The following SIK3 variants were observed in gnomAD, a reference collection of about 807,000 sequenced individuals.
SIK3 encodes the protein SIK family kinase 3, also known as serine/threonine-protein kinase SIK3.
Under a neutral mutation model 144.2 loss-of-function variants are expected in SIK3, and 28 were observed. The ratio of observed to expected loss-of-function variants is 0.19; its 90% CI spans 0.14 to 0.27. The LOEUF is 0.27. Among genes scored for constraint, SIK3 ranks in the 10% least tolerant of loss-of-function variants. SIK3 has a pLI of 1.00. For synonymous variants in SIK3, 686 were observed against 676.3 expected (o/e 1.01, Z -0.22); for missense variants, 1,319 against 1,776.0 (o/e 0.74, Z 4.62).
At chr11:116,938,574 AGGG>A (rs1948093808) in intron 3 of SIK3, among the ~76,000 whole-genome samples, 3 of 47,306 alleles carry the variant, frequency 6.3e-5, no homozygotes, top group African/African-American at 1.4e-4. Context: ...AGGGGAGGGG[AGGG>A]GAGGGGAGGA....
At chr11:116,985,814 C>CT (rs1288188718) in intron 1 of SIK3, among the ~76,000 whole-genome samples, 3 of 152,130 alleles carry the variant, frequency 2.0e-5, no homozygotes, top group Non-Finnish European at 4.4e-5. Flanking sequence ...CAACTAATAA[C>CT]TGTTCAATAA....
rs1565487124 is a variant in SIK3 at position 116,947,191 on chromosome 11, T to TATATAAATTATTTATATATAATATATA, written c.454+6852_454+6853insTATATATTATATATAAATAATTTATAT. 7.0e-4 allele frequency among the ~76,000 whole-genome samples: 23 copies of TATATAAATTATTTATATATAATATATA among 32,996 alleles called. 2 individuals carry two copies. Among genetic ancestry groups the TATATAAATTATTTATATATAATATATA allele is most frequent in the African/African-American group, 2.6e-3 (23 of 8,736 alleles). The allele number at this position is 32,996 out of a possible 152,430, so 21.6% of individuals were successfully genotyped here. A position where few individuals can be genotyped will look rare whatever the true frequency, so the allele number is the denominator to read the frequency against. On this transcript the variant is annotated intron_variant, in intron 3 of 24. Coordinates refer to ENST00000445177, the MANE Select transcript of SIK3 (RefSeq NM_001366686.3). ...AAATTATTATTTATATATAATATAT[T>TATATAAATTATTTATATATAATATATA]ATATACAAATTATTATTTATATACA...
At chr11:116,914,369 T>G (rs1946505466) in intron 4 of SIK3, among the ~76,000 whole-genome samples, 1 of 152,024 alleles carries the variant, frequency 6.6e-6, no homozygotes, top group Non-Finnish European at 1.5e-5. Context: ...CCACCACAGC[T>G]GGCTGATTTT....
chr11:117,018,725 T>TTCTA (rs1951640270), intron 1 of SIK3, among the ~76,000 whole-genome samples: 1 of 151,046 alleles, frequency 6.6e-6, no homozygotes, highest in African/African-American at 2.4e-5. Flanking sequence ...TATTTATTTT[T>TTCTA]TTTTTTTGAA....
In SIK3 at chr11:117,035,932, G is replaced by A. The variant is rs537948365; in HGVS notation, c.273+62211C>T. 3 of 1,591,886 alleles carry A rather than the reference G, an allele frequency of 1.9e-6. No individual in the cohort carries two copies. The African/African-American group carries it at 4.0e-5, about 21-fold the overall frequency. On this transcript the variant is annotated intron_variant, in intron 1 of 24. Transcript: ENST00000445177. ...GGCTAAAGACCGTGATGATTTTATA[G>A]CATCCTGGGCATTTCACATCCATGA...
intron 7 of SIK3, 143 bp from the exon 8 acceptor site, chr11:116,876,506 G>A (rs2134567348): frequency 5.7e-6 from 4 of 704,090 alleles, no homozygotes; most frequent in Admixed American, 2.4e-5. Flanking sequence ...AGAGAGCCCT[G>A]AGTGATCAGC....
intron 1 of SIK3, among the ~76,000 whole-genome samples, chr11:117,007,826 G>A (rs1408884908): frequency 5.3e-5 from 8 of 152,140 alleles, no homozygotes; most frequent in Admixed American, 5.2e-4. Flanking sequence ...GCTCATGCCT[G>A]TAATCCCAAC....
chr11:117,029,961 A>G (rs1952183609), intron 1 of SIK3, among the ~76,000 whole-genome samples: 1 of 151,846 alleles, frequency 6.6e-6, no homozygotes, highest in African/African-American at 2.4e-5. Flanking sequence ...AGAAGAATAT[A>G]CATAGAGAGA....
chr11:117,069,841 A>G (rs1954187580), intron 1 of SIK3, among the ~76,000 whole-genome samples: 1 of 152,202 alleles, frequency 6.6e-6, no homozygotes, highest in Non-Finnish European at 1.5e-5. Flanking sequence ...TTTACTACTC[A>G]GGAAGAGTTT....
At chr11:117,071,010 T>G (rs940446700) in intron 1 of SIK3, among the ~76,000 whole-genome samples, 1 of 151,986 alleles carries the variant, frequency 6.6e-6, no homozygotes, top group Non-Finnish European at 1.5e-5. Flanking sequence ...ATTACAAGCG[T>G]GAGCCACTGC....
rs1943083165 is a variant in SIK3, at chr11:116,858,239, C to G, written c.3226G>C (p.Gly1076Arg). ...CCCCCAAGGCTGGGAGCCAGACTCC[C>G]CGCATCCCCTTGGTTCATGTGCCTG... Reference protein sequence around the residue: ...LFRHMNQGDAGSLAPSLGGQS... With the variant: ...LFRHMNQGDARSLAPSLGGQS... Residue 1076 changes from glycine to arginine, a missense_variant, in exon 21 of 25, where the codon GGG (glycine) becomes CGG (arginine). Gly to Arg is a moderately radical substitution (Grantham distance 125). Around this residue, in one of 8 missense-constraint regions of SIK3, gnomAD observed 646 missense variants for 763.7 expected, o/e 0.85. Coordinates refer to ENST00000445177, the MANE Select transcript of SIK3 (RefSeq NM_001366686.3). This position sits in a 1 kb window ranked among gnomAD's most constrained non-coding sequence, Gnocchi z 5.4. 1 of 1,614,120 alleles carries G rather than the reference C, an allele frequency of 6.2e-7. No individual in the cohort carries two copies. The highest frequency in any genetic ancestry group is 8.5e-7 in the Non-Finnish European group (1 of 1,179,972).
intron 3 of SIK3, among the ~76,000 whole-genome samples, chr11:116,945,524 C>A (rs1040696754): frequency 6.6e-6 from 1 of 151,760 alleles, no homozygotes; most frequent in Non-Finnish European, 1.5e-5. Flanking sequence ...CATGCCCAGC[C>A]AGCTTTAAAA....
intron 1 of SIK3, among the ~76,000 whole-genome samples, chr11:117,066,681 A>G (rs1414737535): frequency 6.6e-6 from 1 of 152,130 alleles, no homozygotes; most frequent in East Asian, 1.9e-4. Context: ...GACTAAAGGC[A>G]CATGCCAAGC....
chr11:117,091,767 A>C (rs1180789364), intron 1 of SIK3, among the ~76,000 whole-genome samples: 1 of 152,200 alleles, frequency 6.6e-6, no homozygotes, highest in Non-Finnish European at 1.5e-5. Context: ...AATAACCAGC[A>C]TGAGTTGCTG....
At chr11:116,862,396 G>A (rs1943392362) in intron 16 of SIK3, 69 bp from the exon 17 acceptor site, 4 of 1,596,844 alleles carry the variant, frequency 2.5e-6, no homozygotes, top group East Asian at 4.5e-5. Context: ...TTCAGCAGAT[G>A]CAGATCTGCC....
intron 16 of SIK3, 27 bp downstream of exon 16, chr11:116,863,632 TGCTCCTCCA>T (rs1190024667): frequency 1.2e-6 from 2 of 1,612,966 alleles, no homozygotes; most frequent in Non-Finnish European, 1.7e-6. Flanking sequence ...CTGTCACCCA[TGCTCCTCCA>T]GGGATGCCTG....
chr11:116,983,669 C>T (rs572255875), intron 1 of SIK3, among the ~76,000 whole-genome samples: 1 of 152,124 alleles, frequency 6.6e-6, no homozygotes, highest in Non-Finnish European at 1.5e-5. Context: ...GGAATTTAAA[C>T]TTATTAGAGG....
rs572802538 is a variant in SIK3, at chr11:117,098,235, C to T, written c.181G>A (p.Ala61Thr). 2.7e-6 allele frequency: 4 copies of T among 1,489,522 alleles called. No individual in the cohort carries two copies. The highest frequency in any genetic ancestry group is 2.4e-5 in the South Asian group (2 of 83,708). 92.3% of individuals were successfully genotyped at this position (1,489,522 alleles called of 1,614,324 possible). The change falls in exon 1 of 25, where the codon GCC becomes ACC. Residue 61 changes from alanine to threonine, a missense_variant. Ala to Thr is a moderately conservative substitution (Grantham distance 58). Transcript: ENST00000445177. ...TCGATCTCGTAGTAGCCGATACGGG[C>T]GGGCATGGGTCCGCGGGAGGCCGGG... The part of the protein sequence containing the change: ...PAPASRGPMP[A>T]RIGYYEIDRT...
intron 1 of SIK3, among the ~76,000 whole-genome samples, chr11:117,035,062 T>C (rs553335341): frequency 6.6e-6 from 1 of 152,236 alleles, no homozygotes; most frequent in Non-Finnish European, 1.5e-5. Flanking sequence ...TGTATGAATA[T>C]ACCACCATTT....
Sources: allele counts gnomAD v4.1 joint callset (sites outside exome capture counted in the v4.1 genomes callset), GRCh38; gene constraint gnomAD v4.1.1; regional missense constraint gnomAD v4.1.1; non-coding constraint Gnocchi (gnomAD v3.1); transcripts MANE v1.5; gene names NCBI Gene and HGNC (gene_info 2026-07-23, HGNC 2026-07-21).